ZNF516: variants seen among roughly 807,000 people sequenced by gnomAD.
ZNF516 encodes zinc finger protein 516.
ZNF516 carries 19 observed loss-of-function variants against 79.7 expected under a neutral mutation model. That is an observed-to-expected ratio of 0.24 (90% CI 0.17 to 0.35). ZNF516 has a LOEUF of 0.35. ZNF516 is among the 10% of genes least tolerant of loss of function. The pLI, the probability that ZNF516 is intolerant of heterozygous loss-of-function variation, is 1.00. For synonymous variants in ZNF516, 877 were observed against 739.5 expected, an observed-to-expected ratio of 1.19 and a Z score of -3.02; for missense variants, 1,678 against 1,679.5, an observed-to-expected ratio of 1.00 and a Z score of 0.02.
chr18:76,486,851 A>C (rs1914861872), intron 1 of ZNF516, among the ~76,000 whole-genome samples: 1 of 152,186 alleles, frequency 6.6e-6, no homozygotes, highest in Non-Finnish European at 1.5e-5. Flanking sequence ...TATAGACTTT[A>C]CTTACTTCCT....
In ZNF516 at chr18:76,379,866, C is replaced by T; in HGVS notation, c.2248G>A (p.Ala750Thr). 1.9e-6 allele frequency: 3 copies of T among 1,613,870 alleles called. No homozygotes were observed. The highest frequency in any genetic ancestry group is 2.2e-5 in the South Asian group (2 of 91,072). ...ACTAAAGCCGCCTGCAGGGAGGAGG[C>T]CGTCTCCTTATTGCTGGGGTCATCC... ...TRDDPSNKETASSLQAALVVH... is the reference protein window; with the variant it reads ...TRDDPSNKETTSSLQAALVVH... The change falls in exon 4 of 7, where the codon GCC (alanine) becomes ACC (threonine). Residue 750 changes from alanine to threonine, a missense_variant. Ala to Thr is a moderately conservative substitution (Grantham distance 58). This residue lies in a region of ZNF516 where 1,294 missense variants were observed against 1,248.3 expected (regional missense o/e 1.04). Transcript: ENST00000443185.
chr18:76,399,831 AC>A (rs35175062), intron 3 of ZNF516, among the ~76,000 whole-genome samples: 15 of 152,102 alleles, frequency 9.9e-5, no homozygotes, highest in Non-Finnish European at 1.9e-4. Flanking sequence ...GCAGGAGGAG[AC>A]CCAGCCACCA....
chr18:76,435,258 C>T (rs2075715839), intron 3 of ZNF516, among the ~76,000 whole-genome samples: 1 of 152,136 alleles, frequency 6.6e-6, no homozygotes, highest in African/African-American at 2.4e-5. Flanking sequence ...GAAGAAAGCC[C>T]CGGAGTATAA....
intron 3 of ZNF516, chr18:76,386,631 A>G (rs2074996800): frequency 1.3e-5 from 2 of 152,192 alleles, no homozygotes; most frequent in Non-Finnish European, 2.9e-5. Flanking sequence ...CCCAACCTAC[A>G]AACGGCATCA....
intron 4 of ZNF516, among the ~76,000 whole-genome samples, chr18:76,376,156 T>A (rs1043411607): frequency 6.6e-6 from 1 of 152,192 alleles, no homozygotes; most frequent in Non-Finnish European, 1.5e-5. Flanking sequence ...CACAGAGACC[T>A]GTAGGCAAGG....
chr18:76,490,102 A>G, intron 1 of ZNF516: 1 of 948,264 alleles, frequency 1.1e-6, no homozygotes, highest in Non-Finnish European at 1.3e-6. Flanking sequence ...AACACACCAA[A>G]ATTCAAATTC....
intron 3 of ZNF516, among the ~76,000 whole-genome samples, chr18:76,399,871 G>C (rs1459401159): frequency 6.6e-6 from 1 of 152,138 alleles, no homozygotes; most frequent in African/African-American, 2.4e-5. Context: ...CTTGGAACCA[G>C]CAATAATCAC....
At chr18:76,486,407 C>T (rs1035641315) in intron 1 of ZNF516, among the ~76,000 whole-genome samples, 8 of 152,314 alleles carry the variant, frequency 5.3e-5, no homozygotes, top group African/African-American at 4.8e-5. Flanking sequence ...CCTTTACTTT[C>T]ACATGGGAAG....
chr18:76,420,485 C>G (rs537128175), intron 3 of ZNF516, among the ~76,000 whole-genome samples: 13 of 152,288 alleles, frequency 8.5e-5, no homozygotes, highest in African/African-American at 3.1e-4. Flanking sequence ...TAAAGTCAAC[C>G]ACGCTGCTCA....
chr18:76,481,390 C>T (rs928877936), intron 1 of ZNF516, among the ~76,000 whole-genome samples: 1 of 152,204 alleles, frequency 6.6e-6, no homozygotes, highest in Non-Finnish European at 1.5e-5. Context: ...CCCCAGCCAT[C>T]TAGAAAGAGG....
intron 6 of ZNF516, among the ~76,000 whole-genome samples, chr18:76,368,629 G>A (rs1275835126): frequency 6.6e-6 from 1 of 152,026 alleles, no homozygotes; most frequent in Admixed American, 6.6e-5. Flanking sequence ...AAACTAAGAG[G>A]ATAGTTGGTA....
chr18:76,441,205 G>C lies in ZNF516; in HGVS notation c.1810+40C>G, dbSNP rs571795883. The stretch of plus-strand genomic sequence containing the variant: ...CTGGAAGCAGGAACCCCCTGAGCCT[G>C]GGATCCCAGGACCCAGGCCACCTGG... On this transcript the variant is annotated intron_variant, in intron 3 of 6. Transcript: ENST00000443185. 1.9e-6 allele frequency: 3 copies of C among 1,581,824 alleles called. No individual in the cohort carries two copies. In the South Asian group the frequency reaches 3.4e-5, roughly 18 times the overall value.
At chr18:76,435,967 A>T (rs1402129649) in intron 3 of ZNF516, among the ~76,000 whole-genome samples, 1 of 152,270 alleles carries the variant, frequency 6.6e-6, no homozygotes, top group Non-Finnish European at 1.5e-5. Flanking sequence ...CATGGCGGAC[A>T]GTAGCTCTCA....
rs184632128 is a variant in ZNF516, at chr18:76,379,746, C to T, written c.2368G>A (p.Val790Met). 1.6e-4 allele frequency: 258 copies of T among 1,613,902 alleles called. 1 individual carries two copies. The East Asian group carries it at 4.5e-3, about 28-fold the overall frequency. ...TTGGGCTGAATCCACGGGGGAGCCACGGAGTTGCAGCTGACGCGGTGCCAG... is the reference window on the plus strand; with the variant it reads ...TTGGGCTGAATCCACGGGGGAGCCATGGAGTTGCAGCTGACGCGGTGCCAG... ...RIWHRVSCNS[V>M]APPWIQPNGY... Residue 790 changes from valine to methionine, a missense_variant, in exon 4 of 7, where the codon GTG (valine) becomes ATG (methionine). Around this residue, in one of 5 missense-constraint regions of ZNF516, gnomAD observed 1,294 missense variants for 1,248.3 expected, o/e 1.04. Transcript: ENST00000443185.
chr18:76,485,980 T>TAA (rs925343219), intron 1 of ZNF516, among the ~76,000 whole-genome samples: 1 of 151,788 alleles, frequency 6.6e-6, no homozygotes, highest in Admixed American at 6.6e-5. Flanking sequence ...AATCAGGAAC[T>TAA]AAACAGTGAA....
intron 3 of ZNF516, among the ~76,000 whole-genome samples, chr18:76,392,339 G>A (rs2075085833): frequency 6.6e-6 from 1 of 152,196 alleles, no homozygotes; most frequent in Non-Finnish European, 1.5e-5. Flanking sequence ...TCAGCCACAG[G>A]CTCTAGGGTT....
chr18:76,409,936 C>T (rs2075353538), intron 3 of ZNF516, among the ~76,000 whole-genome samples: 1 of 152,168 alleles, frequency 6.6e-6, no homozygotes, highest in South Asian at 2.1e-4. Flanking sequence ...CAGTTTCCCC[C>T]ACACTGTTCT....
intron 3 of ZNF516, among the ~76,000 whole-genome samples, chr18:76,436,518 G>T (rs916982994): frequency 6.6e-6 from 1 of 152,132 alleles, no homozygotes; most frequent in South Asian, 2.1e-4. Context: ...CCCGTGTTGC[G>T]TCCAAGCCAG....
At position 76,441,706 on chromosome 18, in the gene ZNF516, T is replaced by C; in HGVS notation, c.1349A>G (p.Asp450Gly). 2 of 1,571,432 alleles carry C rather than the reference T, an allele frequency of 1.3e-6. No individual in the cohort carries two copies. The highest frequency in any genetic ancestry group is 1.2e-5 in the South Asian group (1 of 86,210). Residue 450 changes from aspartate (D) to glycine (G), a missense_variant, in exon 3 of 7, where the codon GAC (aspartate) becomes GGC (glycine). Asp to Gly is a moderately conservative substitution (Grantham distance 94). This residue lies in a region of ZNF516 where 1,294 missense variants were observed against 1,248.3 expected (regional missense o/e 1.04). Coordinates refer to ENST00000443185, the MANE Select transcript of ZNF516 (RefSeq NM_014643.4). ...CAGGACGTACTCGCGCCTGTCCTTGTCGAAGGCCACGTCCCCGGCCAGCGC... is the reference window on the plus strand; with the variant it reads ...CAGGACGTACTCGCGCCTGTCCTTGCCGAAGGCCACGTCCCCGGCCAGCGC... ...DEALAGDVAF[D>G]KDRREYVLVS...
Sources: allele counts gnomAD v4.1 joint callset (sites outside exome capture counted in the v4.1 genomes callset), GRCh38; gene constraint gnomAD v4.1.1; regional missense constraint gnomAD v4.1.1; transcripts MANE v1.5; gene names NCBI Gene and HGNC (gene_info 2026-07-23, HGNC 2026-07-21).